The following KSR2 variants were observed in gnomAD, a reference collection of about 807,000 sequenced individuals.
KSR2 encodes kinase suppressor of ras 2.
A neutral mutation model predicts 107.8 loss-of-function variants in KSR2; 25 were observed. That is an observed-to-expected ratio of 0.23 (90% CI 0.17 to 0.32). The LOEUF is 0.32. Ranked by LOEUF, KSR2 falls within the 10% of genes least tolerant of loss-of-function variation. The pLI, the probability that KSR2 is intolerant of heterozygous loss-of-function variation, is 1.00. For missense variants in KSR2, 887 were observed against 1,268.9 expected (o/e 0.70, Z 4.57); for synonymous variants, 480 against 507.0 (o/e 0.95, Z 0.71).
At chr12:117,668,445 G>T (rs1305267542) in intron 4 of KSR2, among the ~76,000 whole-genome samples, 2 of 152,204 alleles carry the variant, frequency 1.3e-5, no homozygotes, top group Non-Finnish European at 2.9e-5. Flanking sequence ...ACAGGCAGCT[G>T]CCAGAGATCA....
At chr12:117,762,882 C>T (rs1968608) in intron 3 of KSR2, among the ~76,000 whole-genome samples, 105,364 of 151,426 alleles carry the variant, frequency 0.7, 38,351 homozygotes, top group African/African-American at 0.91. Flanking sequence ...AAAAAAAAAA[C>T]CTTTTTTTTA....
intron 4 of KSR2, among the ~76,000 whole-genome samples, chr12:117,756,031 G>C (rs1455244451): frequency 6.6e-6 from 1 of 152,210 alleles, no homozygotes; most frequent in African/African-American, 2.4e-5. Context: ...GGAAGCTGCA[G>C]AAGAAAATGT....
rs538036741 is a variant in KSR2 at position 117,613,971 on chromosome 12, T to C, written c.1172-31612A>G. ...AGGCAAGCTCAAGCAATTAGCATGA[T>C]GTTCAGAGATCTATATGCAAGCCAT... On this transcript the variant is annotated intron_variant, in intron 5 of 19. Transcript: ENST00000339824. Among the ~76,000 whole-genome samples, 3 of 152,210 alleles carry C rather than the reference T, an allele frequency of 2.0e-5. No homozygotes were observed. In the East Asian group the frequency reaches 5.8e-4, roughly 29 times the overall value.
At chr12:117,783,423 T>C (rs982294615) in intron 3 of KSR2, among the ~76,000 whole-genome samples, 1 of 152,184 alleles carries the variant, frequency 6.6e-6, no homozygotes, top group Non-Finnish European at 1.5e-5. Context: ...CTCTGTTTCC[T>C]CATCTGTAAA....
chr12:117,694,174 T>C (rs1378480484), intron 4 of KSR2, among the ~76,000 whole-genome samples: 1 of 152,158 alleles, frequency 6.6e-6, no homozygotes, highest in Non-Finnish European at 1.5e-5. Flanking sequence ...AATTACCATA[T>C]GATATGGTTT....
intron 2 of KSR2, among the ~76,000 whole-genome samples, chr12:117,856,999 G>A (rs1039317447): frequency 2.0e-5 from 3 of 152,152 alleles, no homozygotes; most frequent in African/African-American, 7.2e-5. Context: ...CTCAAATAGG[G>A]ACACATTGCT....
At chr12:117,827,252 T>G (rs1891794682) in intron 3 of KSR2, among the ~76,000 whole-genome samples, 2 of 152,190 alleles carry the variant, frequency 1.3e-5, no homozygotes, top group Admixed American at 6.5e-5. Context: ...TTGGGTGATC[T>G]TCTGAGACAT....
intron 5 of KSR2, among the ~76,000 whole-genome samples, chr12:117,602,884 C>G (rs1379777651): frequency 6.6e-6 from 1 of 152,140 alleles, no homozygotes; most frequent in African/African-American, 2.4e-5. Flanking sequence ...CACCCTCCCT[C>G]TAGGCCCAGG....
intron 5 of KSR2, among the ~76,000 whole-genome samples, chr12:117,644,020 C>T (rs1404511193): frequency 2.0e-5 from 3 of 152,232 alleles, no homozygotes; most frequent in Non-Finnish European, 4.4e-5. Context: ...CTTGTCCCCA[C>T]AGGCTGATCT....
At chr12:117,517,476 T>C (rs1052168361) in intron 14 of KSR2, among the ~76,000 whole-genome samples, 3 of 152,216 alleles carry the variant, frequency 2.0e-5, no homozygotes, top group Non-Finnish European at 4.4e-5. Context: ...ATGTCACACG[T>C]GCTAATTCAG....
At chr12:117,773,562 G>A (rs769765383) in intron 3 of KSR2, among the ~76,000 whole-genome samples, 3 of 152,176 alleles carry the variant, frequency 2.0e-5, no homozygotes, top group Non-Finnish European at 4.4e-5. Flanking sequence ...GCTCTTCAGA[G>A]GCAGAAGTGA....
chr12:117,964,147 G>C (rs767657731), intron 1 of KSR2, among the ~76,000 whole-genome samples: 1 of 152,090 alleles, frequency 6.6e-6, no homozygotes, highest in Non-Finnish European at 1.5e-5. Flanking sequence ...GCATGGTGGC[G>C]GGCATCTGTA....
chr12:117,571,006 C>T (rs1878856358), intron 7 of KSR2, among the ~76,000 whole-genome samples: 1 of 152,098 alleles, frequency 6.6e-6, no homozygotes, highest in South Asian at 2.1e-4. Context: ...GCCTGTAATC[C>T]CAGCACTTTG....
intron 5 of KSR2, among the ~76,000 whole-genome samples, chr12:117,643,459 A>AAAC (rs368772160): frequency 2.6e-5 from 4 of 152,298 alleles, no homozygotes; most frequent in African/African-American, 9.6e-5. Context: ...AAACAAAACA[A>AAAC]AACAACAACA....
intron 4 of KSR2, among the ~76,000 whole-genome samples, chr12:117,703,436 C>T (rs1048392897): frequency 6.6e-6 from 1 of 152,070 alleles, no homozygotes; most frequent in Non-Finnish European, 1.5e-5. Flanking sequence ...CCCTCAGTTG[C>T]CTCCCCCTGG....
At chr12:117,509,807 C>T (rs1023681800) in intron 14 of KSR2, among the ~76,000 whole-genome samples, 5 of 152,208 alleles carry the variant, frequency 3.3e-5, no homozygotes, top group South Asian at 2.1e-4. Context: ...GTTCCCTTCT[C>T]GAGGTTCCTC....
At chr12:117,927,778 C>T (rs145385852) in intron 1 of KSR2, among the ~76,000 whole-genome samples, 2 of 152,150 alleles carry the variant, frequency 1.3e-5, no homozygotes, top group African/African-American at 4.8e-5. Context: ...AATGTGTACT[C>T]GTATAAAATT....
chr12:117,932,313 C>G (rs1297740304), intron 1 of KSR2, among the ~76,000 whole-genome samples: 1 of 151,850 alleles, frequency 6.6e-6, no homozygotes, highest in Non-Finnish European at 1.5e-5. Flanking sequence ...TTAATTAAAC[C>G]TATCTTAAAA....
chr12:117,469,540 A>C (rs528704693), intron 19 of KSR2, 122 bp downstream of exon 19: 2 of 1,181,760 alleles, frequency 1.7e-6, no homozygotes, highest in African/African-American at 3.1e-5. Context: ...TGGTTGCCGA[A>C]GGGTGGGCAC....
Sources: gnomAD v4.1 joint callset for allele counts (sites outside exome capture counted in the v4.1 genomes callset) on GRCh38, gnomAD v4.1.1 for gene constraint, MANE v1.5 for transcripts, NCBI Gene and HGNC (gene_info 2026-07-23, HGNC 2026-07-21) for gene names.